The following APOE variants were observed in gnomAD, a reference collection of about 807,000 sequenced individuals.
APOE encodes the protein apolipoprotein E3.
Under a neutral mutation model 13.1 loss-of-function variants are expected in APOE, and 10 were observed. That is an observed-to-expected ratio of 0.76 (90% confidence interval 0.47 to 1.29). APOE has a LOEUF of 1.29. APOE is among the 50% of genes most tolerant of loss of function. APOE has a pLI of 0.00. For missense variants in APOE, 471 were observed against 459.6 expected, an observed-to-expected ratio of 1.02 and a Z score of -0.23; for synonymous variants, 211 against 207.1, an observed-to-expected ratio of 1.02 and a Z score of -0.16.
chr19:44,906,548 T>TG, intron 1 of APOE, 54 bp from the exon 2 acceptor site: 2 of 1,602,948 alleles, frequency 1.2e-6, no homozygotes, highest in Non-Finnish European at 1.7e-6. Context: ...GGGGCCGGGC[T>TG]GGGGGTGGGA....
chr19:44,909,329 T>A lies in APOE; in HGVS notation c.*79T>A. On this transcript the variant is annotated 3_prime_UTR_variant, in exon 4 of 4. Coordinates refer to ENST00000252486, the MANE Select transcript of APOE (RefSeq NM_000041.4). Reference sequence around the variant, plus strand: ...GCGCAGCCTGCAGCGGGAGACCCTGTCCCCGCCCCAGCCGTCCTCCTGGGG... The same window carrying A: ...GCGCAGCCTGCAGCGGGAGACCCTGACCCCGCCCCAGCCGTCCTCCTGGGG... 7.3e-7 allele frequency: 1 copy of A among 1,372,044 alleles called. No individual in the cohort carries two copies. Among genetic ancestry groups the A allele is most frequent in the South Asian group, 1.2e-5 (1 of 84,714 alleles). 85.0% of individuals were successfully genotyped at this position (1,372,044 alleles called of 1,614,324 possible).
Position 44,908,984 on chromosome 19 carries a change from G to C in APOE, c.688G>C (p.Glu230Gln), listed in dbSNP as rs567353589. The C allele has an allele frequency of 2.0e-6, 3 of 1,532,176 alleles. No individual in the cohort carries two copies. The South Asian group carries it at 3.6e-5, about 18-fold the overall frequency. The allele number at this position is 1,532,176 out of a possible 1,614,324, so 94.9% of individuals were successfully genotyped here. The part of the protein sequence containing the change: ...PLQERAQAWG[E>Q]RLRARMEEMG... ...ACAGGAGCGGGCCCAGGCCTGGGGC[G>C]AGCGGCTGCGCGCGCGGATGGAGGA... The change falls in exon 4 of 4, where the codon GAG becomes CAG. Residue 230 changes from glutamate (E) to glutamine (Q), a missense_variant. By Grantham distance (29) the Glu-to-Gln change is conservative (BLOSUM62 2). Coordinates refer to ENST00000252486, the MANE Select transcript of APOE (RefSeq NM_000041.4).
At position 44,906,610 on chromosome 19, in the gene APOE, A is replaced by G; in HGVS notation, c.-15A>G. 6.2e-7 allele frequency: 1 copy of G among 1,614,116 alleles called. No homozygotes were observed. Among genetic ancestry groups the G allele is most frequent in the Non-Finnish European group, 8.5e-7 (1 of 1,180,008 alleles). ...AGTTTCTCCTTCCCCAGACTGGCCA[A>G]TCACAGGCAGGAAGATGAAGGTTCT... On this transcript the variant is annotated 5_prime_UTR_variant, in exon 2 of 4. Coordinates refer to ENST00000252486, the MANE Select transcript of APOE (RefSeq NM_000041.4).
intron 3 of APOE, 128 bp downstream of exon 3, chr19:44,908,080 TC>T: frequency 1.1e-6 from 1 of 884,196 alleles, no homozygotes. Context: ...AGCTTCCTCT[TC>T]CCATTTCTGA....
rs1488379910 is a variant in APOE at position 44,908,948 on chromosome 19, G to C, written c.652G>C (p.Gly218Arg). ...VRAATVGSLA[G>R]QPLQERAQAW... is the part of the protein sequence containing the mutation. ...GGCCGCCACTGTGGGCTCCCTGGCC[G>C]GCCAGCCGCTACAGGAGCGGGCCCA... The change falls in exon 4 of 4, where the codon GGC (glycine) becomes CGC (arginine). Residue 218 changes from glycine to arginine, a missense_variant. Gly to Arg is a moderately radical substitution (Grantham distance 125, BLOSUM62 -2). Coordinates refer to ENST00000252486, the MANE Select transcript of APOE (RefSeq NM_000041.4). The C allele has an allele frequency of 4.6e-6, 7 of 1,514,490 alleles. No homozygotes were observed. The South Asian group carries it at 6.1e-5, about 13-fold the overall frequency. 93.8% of individuals were successfully genotyped at this position (1,514,490 alleles called of 1,614,324 possible). A position where few individuals can be genotyped will look rare whatever the true frequency, so the allele number is the denominator to read the frequency against.
At chr19:44,905,953 G>A (rs1454166226) in intron 1 of APOE, 112 bp downstream of exon 1, 2 of 1,289,048 alleles carry the variant, frequency 1.6e-6, no homozygotes, top group Non-Finnish European at 1.0e-6. Context: ...TCGGGGTCGG[G>A]CTTGGGGAGA....
Position 44,907,856 on chromosome 19 carries a change from C to T in APOE, c.140C>T (p.Ala47Val). 6.2e-7 allele frequency: 1 copy of T among 1,614,010 alleles called. No homozygotes were observed. The highest frequency in any genetic ancestry group is 1.3e-5 in the African/African-American group (1 of 75,042). ...EWQSGQRWEL[A>V]LGRFWDYLRW... is the part of the protein sequence containing the mutation. Reference sequence around the variant, plus strand: ...CAGAGCGGCCAGCGCTGGGAACTGGCACTGGGTCGCTTTTGGGATTACCTG... The same window carrying T: ...CAGAGCGGCCAGCGCTGGGAACTGGTACTGGGTCGCTTTTGGGATTACCTG... Residue 47 changes from alanine to valine, a missense_variant, in exon 3 of 4, where the codon GCA becomes GTA. Coordinates refer to ENST00000252486, the MANE Select transcript of APOE (RefSeq NM_000041.4). This position sits in a 1 kb window ranked among gnomAD's most constrained non-coding sequence, Gnocchi z 4.1.
chr19:44,906,720 ACCT>A (rs1317397678), intron 2 of APOE, 53 bp downstream of exon 2: 1 of 1,576,142 alleles, frequency 6.3e-7, no homozygotes, highest in African/African-American at 1.4e-5. Context: ...TCTCATCCTC[ACCT>A]CAACCTCCTG....
rs539986817 is a variant in APOE at position 44,905,827 on chromosome 19, C to T, written c.-38C>T. The T allele has an allele frequency of 2.9e-5, 37 of 1,296,306 alleles. No individual in the cohort carries two copies. The East Asian group carries it at 1.8e-3, about 63-fold the overall frequency. The allele number at this position is 1,296,306 out of a possible 1,614,324, so 80.3% of individuals were successfully genotyped here. Reference sequence around the variant, plus strand: ...AGCCCCAGCGGAGGTGAAGGACGTCCTTCCCCAGGAGCCGGTGAGAAGCGC... The same window carrying T: ...AGCCCCAGCGGAGGTGAAGGACGTCTTTCCCCAGGAGCCGGTGAGAAGCGC... On this transcript the variant is annotated 5_prime_UTR_variant, in exon 1 of 4. Coordinates refer to ENST00000252486, the MANE Select transcript of APOE (RefSeq NM_000041.4).
In APOE at chr19:44,908,984, G is replaced by A. The variant is rs567353589; in HGVS notation, c.688G>A (p.Glu230Lys). The change falls in exon 4 of 4, where the codon GAG becomes AAG. Residue 230 changes from glutamate (E) to lysine (K), a missense_variant. Glu to Lys is a moderately conservative substitution (Grantham distance 56). Transcript: ENST00000252486. ...PLQERAQAWGERLRARMEEMG... is the reference protein window; with the variant it reads ...PLQERAQAWGKRLRARMEEMG... ...ACAGGAGCGGGCCCAGGCCTGGGGCGAGCGGCTGCGCGCGCGGATGGAGGA... is the reference window on the plus strand; with the variant it reads ...ACAGGAGCGGGCCCAGGCCTGGGGCAAGCGGCTGCGCGCGCGGATGGAGGA... 37 of 1,532,286 alleles carry A rather than the reference G, an allele frequency of 2.4e-5. No homozygotes were observed. The Middle Eastern group carries it at 1.3e-3, about 54-fold the overall frequency. 94.9% of individuals were successfully genotyped at this position (1,532,286 alleles called of 1,614,324 possible). A position where few individuals can be genotyped will look rare whatever the true frequency, so the allele number is the denominator to read the frequency against.
chr19:44,909,375 A>T lies in APOE; in HGVS notation c.*125A>T. On this transcript the variant is annotated 3_prime_UTR_variant, in exon 4 of 4. Coordinates refer to ENST00000252486, the MANE Select transcript of APOE (RefSeq NM_000041.4). ...TGGGGTGGACCCTAGTTTAATAAAG[A>T]TTCACCAAGTTTCACGCATCTGCTG... 1.1e-6 allele frequency: 1 copy of T among 884,840 alleles called. No individual in the cohort carries two copies. The highest frequency in any genetic ancestry group is 1.8e-6 in the Non-Finnish European group (1 of 565,036). 54.8% of individuals were successfully genotyped at this position (884,840 alleles called of 1,614,324 possible).
At chr19:44,908,424 C>A (rs1284143211) in intron 3 of APOE, 109 bp from the exon 4 acceptor site, 5 of 1,116,334 alleles carry the variant, frequency 4.5e-6, no homozygotes, top group Non-Finnish European at 6.7e-6. Context: ...CTGCCCCGTT[C>A]CTTCTCTCCC....
Position 44,905,798 on chromosome 19 carries a change from A to T in APOE, c.-67A>T. The T allele has an allele frequency of 8.0e-7, 1 of 1,244,404 alleles. No homozygotes were observed. Among genetic ancestry groups the T allele is most frequent in the Admixed American group, 2.4e-5 (1 of 41,996 alleles). The allele number at this position is 1,244,404 out of a possible 1,614,324, so 77.1% of individuals were successfully genotyped here. A position where few individuals can be genotyped will look rare whatever the true frequency, so the allele number is the denominator to read the frequency against. On this transcript the variant is annotated 5_prime_UTR_variant, in exon 1 of 4. Coordinates refer to ENST00000252486, the MANE Select transcript of APOE (RefSeq NM_000041.4). ...GACAAGTCTGGGATCCTTGAGTCCTACTCAGCCCCAGCGGAGGTGAAGGAC... is the reference window on the plus strand; with the variant it reads ...GACAAGTCTGGGATCCTTGAGTCCTTCTCAGCCCCAGCGGAGGTGAAGGAC...
intron 1 of APOE, 147 bp from the exon 2 acceptor site, chr19:44,906,455 G>T (rs1484601840): frequency 5.0e-6 from 4 of 798,958 alleles, no homozygotes; most frequent in East Asian, 2.5e-5. Context: ...TGGGTTGGGG[G>T]CGGCTTGGTA....
chr19:44,906,605 G>A lies in APOE; in HGVS notation c.-20G>A, dbSNP rs1969811744. On this transcript the variant is annotated 5_prime_UTR_variant, in exon 2 of 4. Coordinates refer to ENST00000252486, the MANE Select transcript of APOE (RefSeq NM_000041.4). ...TTGACAGTTTCTCCTTCCCCAGACT[G>A]GCCAATCACAGGCAGGAAGATGAAG... The A allele has an allele frequency of 6.2e-7, 1 of 1,614,102 alleles. No individual in the cohort carries two copies. The highest frequency in any genetic ancestry group is 8.5e-7 in the Non-Finnish European group (1 of 1,179,996).
rs568868623 is a variant in APOE at position 44,908,521 on chromosome 19, T to C, written c.237-12T>C. ...CCCACTGTGCGACACCCTCCCGCCCTCTCGGCCGCAGGGCGCTGATGGACG... is the reference window on the plus strand; with the variant it reads ...CCCACTGTGCGACACCCTCCCGCCCCCTCGGCCGCAGGGCGCTGATGGACG... On this transcript the variant is annotated splice_polypyrimidine_tract_variant and intron_variant, in intron 3 of 3. Transcript: ENST00000252486. 6.4e-7 allele frequency: 1 copy of C among 1,565,486 alleles called. No homozygotes were observed. Among genetic ancestry groups the C allele is most frequent in the East Asian group, 2.4e-5 (1 of 41,302 alleles).
chr19:44,909,092 C>G lies in APOE; in HGVS notation c.796C>G (p.Gln266Glu), dbSNP rs1350058178. ...GCGCGCCAAGCTGGAGGAGCAGGCC[C>G]AGCAGATACGCCTGCAGGCCGAGGC... is the stretch of plus-strand genomic sequence containing the variant. The part of the protein sequence containing the change: ...EVRAKLEEQA[Q>E]QIRLQAEAFQ... The change falls in exon 4 of 4, where the codon CAG (glutamine) becomes GAG (glutamate). Residue 266 changes from glutamine (Q) to glutamate (E), a missense_variant. Gln to Glu is a conservative substitution (Grantham distance 29). Transcript: ENST00000252486. 8 of 1,585,956 alleles carry G rather than the reference C, an allele frequency of 5.0e-6. No individual in the cohort carries two copies. Among genetic ancestry groups the G allele is most frequent in the Non-Finnish European group, 4.3e-6 (5 of 1,171,544 alleles).
intron 1 of APOE, 56 bp from the exon 2 acceptor site, chr19:44,906,546 G>T: frequency 6.2e-7 from 1 of 1,601,164 alleles, no homozygotes; most frequent in East Asian, 2.2e-5. Flanking sequence ...TTGGGGCCGG[G>T]CTGGGGGTGG....
rs1434287349 is a variant in APOE, at chr19:44,908,552, A to G, written c.256A>G (p.Met86Val). 44 of 1,613,008 alleles carry G rather than the reference A, an allele frequency of 2.7e-5. No individual in the cohort carries two copies. The highest frequency in any genetic ancestry group is 3.6e-5 in the Non-Finnish European group (42 of 1,179,356). ...QELRALMDET[M>V]KELKAYKSEL... ...CCGCAGGGCGCTGATGGACGAGACC[A>G]TGAAGGAGTTGAAGGCCTACAAATC... Residue 86 changes from methionine to valine, a missense_variant, in exon 4 of 4, where the codon ATG (methionine) becomes GTG (valine). By Grantham distance (21) the Met-to-Val change is conservative. Transcript: ENST00000252486.
Sources: allele counts gnomAD v4.1 joint callset, GRCh38; gene constraint gnomAD v4.1.1; non-coding constraint Gnocchi (gnomAD v3.1); transcripts MANE v1.5; gene names NCBI Gene and HGNC (gene_info 2026-07-23, HGNC 2026-07-21).